CSAD: variants seen among roughly 807,000 people sequenced by gnomAD.
CSAD encodes the protein P-selectin cytoplasmic tail-associated protein.
In CSAD, 47 loss-of-function variants were observed where a neutral mutation model predicts 61.5. That is an observed-to-expected ratio of 0.76 (90% CI 0.60 to 0.97). The LOEUF is 0.97. Ranked by LOEUF, CSAD falls within the 50% of genes least tolerant of loss-of-function variation. The probability of loss-of-function intolerance (pLI) is 0.00; values close to 1 mark genes in which losing one functional copy is unlikely to be tolerated. For synonymous variants in CSAD, 245 were observed against 252.7 expected (o/e 0.97, Z 0.29); for missense variants, 611 against 643.6 (o/e 0.95, Z 0.55).
intron 10 of CSAD, among the ~76,000 whole-genome samples, chr12:53,169,577 ACT>A (rs1323302126): frequency 6.6e-6 from 1 of 151,676 alleles, no homozygotes; most frequent in African/African-American, 2.4e-5. Context: ...ACTGAGTGAG[ACT>A]CTGTCTCAAA....
At position 53,164,450 on chromosome 12, in the gene CSAD, AG is replaced by A. The variant is rs376442394; in HGVS notation, c.703-3062del. 4.9e-5 allele frequency: 9 copies of A among 182,824 alleles called. No homozygotes were observed. The Middle Eastern group carries it at 2.8e-3, about 56-fold the overall frequency. The allele number at this position is 182,824 out of a possible 1,614,324, so 11.3% of individuals were successfully genotyped here. ...TCTGCAGCAACATGGATGCAGCTGG[AG>A]GCCAGTATCCTAAGTGAGTTAACAC... On this transcript the variant is annotated intron_variant, in intron 10 of 16. Coordinates refer to ENST00000444623, the MANE Select transcript of CSAD (RefSeq NM_001244705.2).
intron 10 of CSAD, 40 bp from the exon 11 acceptor site, chr12:53,161,429 C>A: frequency 6.5e-7 from 1 of 1,544,744 alleles, no homozygotes; most frequent in Admixed American, 1.7e-5. Context: ...GTAAAGTCAT[C>A]TCAAAAGCTA....
intron 1 of CSAD, chr12:53,179,861 T>C: frequency 1.2e-6 from 2 of 1,612,508 alleles, no homozygotes; most frequent in Non-Finnish European, 1.7e-6. Context: ...CTCTCTCTAA[T>C]GGCTAAGGCT....
intron 10 of CSAD, among the ~76,000 whole-genome samples, chr12:53,162,045 A>G (rs1939344332): frequency 6.6e-6 from 1 of 152,018 alleles, no homozygotes; most frequent in Non-Finnish European, 1.5e-5. Flanking sequence ...GGATCACTTG[A>G]GGCCAGGAGT....
Position 53,172,661 on chromosome 12 carries a change from C to G in CSAD, c.127-13G>C, listed in dbSNP as rs754468413. ...TCCACTCACAGACCTAGGAAGAGAG[C>G]CGGGGATGCTGGGGGCCTGGGATGC... On this transcript the variant is annotated splice_polypyrimidine_tract_variant and intron_variant, in intron 4 of 16. Transcript: ENST00000444623. 14 of 1,599,498 alleles carry G rather than the reference C, an allele frequency of 8.8e-6. No homozygotes were observed. The highest frequency in any genetic ancestry group is 1.2e-5 in the Non-Finnish European group (14 of 1,174,892).
At position 53,160,311 on chromosome 12, in the gene CSAD, G is replaced by A. The variant is rs780712120; in HGVS notation, c.975C>T (p.Leu325=). Residue 325 remains leucine, a synonymous_variant, in exon 14 of 17, where the codon CTC becomes CTT. Coordinates refer to ENST00000444623, the MANE Select transcript of CSAD (RefSeq NM_001244705.2). The part of the protein sequence containing the change: ...ALLLQDTSNL[L]KRCHGSQASY... The stretch of plus-strand genomic sequence containing the variant: ...TGGCCTGGGACCCATGGCAGCGCTT[G>A]AGCAGGTTCTGTGTGGGGGTGAGGA... 3.7e-6 allele frequency: 6 copies of A among 1,614,036 alleles called. No individual in the cohort carries two copies. In the African/African-American group the frequency reaches 8.0e-5, roughly 22 times the overall value.
chr12:53,164,911 T>C (rs1398110030), intron 10 of CSAD, among the ~76,000 whole-genome samples: 2 of 152,112 alleles, frequency 1.3e-5, no homozygotes, highest in Non-Finnish European at 2.9e-5. Flanking sequence ...TAAAGATAAA[T>C]AAATTGCTAA....
intron 10 of CSAD, among the ~76,000 whole-genome samples, chr12:53,165,850 C>T (rs1053587075): frequency 1.3e-5 from 2 of 152,052 alleles, no homozygotes; most frequent in Admixed American, 6.6e-5. Flanking sequence ...TGAGTATACA[C>T]CCAAAACACT....
At chr12:53,177,597 T>A (rs947602161) in intron 2 of CSAD, among the ~76,000 whole-genome samples, 1 of 152,198 alleles carries the variant, frequency 6.6e-6, no homozygotes, top group Non-Finnish European at 1.5e-5. Flanking sequence ...GAAACCAGCC[T>A]AAGGCAACAA....
rs754609570 is a variant in CSAD, at chr12:53,158,623, G to A, written c.1370C>T (p.Pro457Leu). 3 of 1,614,180 alleles carry A rather than the reference G, an allele frequency of 1.9e-6. No individual in the cohort carries two copies. The highest frequency in any genetic ancestry group is 2.2e-5 in the South Asian group (2 of 91,082). ...KEGSMMIGYQ[P>L]HGTRGNFFRV... Reference sequence around the variant, plus strand: ...GAAGAAGTTGCCCCGGGTCCCGTGGGGCTGGTAGCCAATCATCATGGAGCC... The same window carrying A: ...GAAGAAGTTGCCCCGGGTCCCGTGGAGCTGGTAGCCAATCATCATGGAGCC... The change falls in exon 17 of 17, where the codon CCC becomes CTC. Residue 457 changes from proline (P) to leucine (L), a missense_variant. Coordinates refer to ENST00000444623, the MANE Select transcript of CSAD (RefSeq NM_001244705.2).
chr12:53,161,237 C>T, intron 11 of CSAD, 36 bp downstream of exon 11: 1 of 1,613,580 alleles, frequency 6.2e-7, no homozygotes, highest in Non-Finnish European at 8.5e-7. Context: ...TGGCTCAGCC[C>T]ACCCCACCGC....
intron 1 of CSAD, 183 bp downstream of exon 1, chr12:53,180,542 TCGGCGCA>T: frequency 7.8e-7 from 1 of 1,278,462 alleles, no homozygotes; most frequent in Non-Finnish European, 1.0e-6. Context: ...CTCCATGCCC[TCGGCGCA>T]CGGCGCCGCC....
rs73099942 is a variant in CSAD, at chr12:53,159,594, G to A, written c.1308+29C>T. 3,234 of 1,585,320 alleles carry A rather than the reference G, an allele frequency of 2.0e-3. 14 individuals are homozygous for A. Among genetic ancestry groups the A allele is most frequent in the Admixed American group, 1.9e-3 (111 of 57,586 alleles). On this transcript the variant is annotated intron_variant, in intron 16 of 16. Transcript: ENST00000444623. ...GCATCAGTTGCATCAGCTCCCTAAC[G>A]GGTAAAGAGAGCAGCACAGCACGCC...
At chr12:53,181,104 T>C, upstream of CSAD, 1 of 947,216 alleles carries the variant, frequency 1.1e-6, no homozygotes, top group Non-Finnish European at 1.3e-6. Flanking sequence ...TTCTCGGCAC[T>C]CTCCGGCTCT....
intron 2 of CSAD, chr12:53,178,230 T>C (rs1250822315): frequency 7.8e-6 from 3 of 386,552 alleles, no homozygotes; most frequent in East Asian, 7.3e-5. Context: ...CCTAGCACTC[T>C]AGGAGGCCGA....
intron 1 of CSAD, chr12:53,180,229 A>G: frequency 3.0e-6 from 3 of 985,422 alleles, no homozygotes; most frequent in Non-Finnish European, 3.6e-6. Flanking sequence ...AAAATCTGCT[A>G]ATCTGGGCCT....
At chr12:53,177,544 T>G (rs182417764) in intron 2 of CSAD, among the ~76,000 whole-genome samples, 379 of 152,284 alleles carry the variant, frequency 2.5e-3, no homozygotes, top group African/African-American at 8.6e-3. Context: ...GTCCCACCTA[T>G]TTGGAAGGCT....
chr12:53,158,591 C>G lies in CSAD; in HGVS notation c.1402G>C (p.Val468Leu). 1.2e-6 allele frequency: 2 copies of G among 1,613,160 alleles called. No homozygotes were observed. Among genetic ancestry groups the G allele is most frequent in the Non-Finnish European group, 1.7e-6 (2 of 1,180,022 alleles). ...HGTRGNFFRV[V>L]VANSALTCAD... ...CAGGTCAGTGCAGAGTTGGCCACAA[C>G]CACACGGAAGAAGTTGCCCCGGGTC... The change falls in exon 17 of 17, where the codon GTT becomes CTT. Residue 468 changes from valine (V) to leucine (L), a missense_variant. Transcript: ENST00000444623.
intron 2 of CSAD, among the ~76,000 whole-genome samples, chr12:53,176,547 A>G (rs1246940124): frequency 1.3e-5 from 2 of 151,564 alleles, no homozygotes; most frequent in Non-Finnish European, 2.9e-5. Context: ...GTGAAACCCC[A>G]TCTCTACTAA....
Sources: allele counts gnomAD v4.1 joint callset (sites outside exome capture counted in the v4.1 genomes callset), GRCh38; gene constraint gnomAD v4.1.1; transcripts MANE v1.5; gene names NCBI Gene and HGNC (gene_info 2026-07-23, HGNC 2026-07-21).